Variants in CYSTM1 observed in about 807,000 individuals in gnomAD.
The protein encoded by CYSTM1 is cysteine rich transmembrane module containing 1.
CYSTM1 carries 4 observed loss-of-function variants against 13.1 expected under a neutral mutation model. The observed-to-expected ratio is 0.31, with a 90% confidence interval of 0.15 to 0.70. CYSTM1 has a LOEUF of 0.70. Ranked by LOEUF, CYSTM1 falls within the 30% of genes least tolerant of loss-of-function variation. The pLI, the probability that CYSTM1 is intolerant of heterozygous loss-of-function variation, is 0.72. For synonymous variants in CYSTM1, 36 were observed against 42.7 expected (o/e 0.84, Z 0.62); for missense variants, 96 against 121.6 (o/e 0.79, Z 0.99).
At chr5:140,187,968 A>G (rs1764038183) in intron 1 of CYSTM1, among the ~76,000 whole-genome samples, 2 of 152,162 alleles carry the variant, frequency 1.3e-5, no homozygotes, top group African/African-American at 4.8e-5. Context: ...TTTTGACTAG[A>G]TCATTAACAA....
Position 140,219,162 on chromosome 5 carries a change from C to T in CYSTM1, c.188-24143C>T, listed in dbSNP as rs1336799446. ...GGCCACCACTTCTGTCTCCTTTTCT[C>T]TGCTGGTGAAGTCTCTAGCCTCACA... On this transcript the variant is annotated intron_variant, in intron 2 of 2. Coordinates refer to ENST00000261811, the MANE Select transcript of CYSTM1 (RefSeq NM_032412.4). The surrounding 1 kb of genome is among the most constrained non-coding windows in gnomAD (Gnocchi z 4.1). Among the ~76,000 whole-genome samples the T allele has an allele frequency of 6.6e-6, 1 of 152,176 alleles. No individual in the cohort carries two copies. Among genetic ancestry groups the T allele is most frequent in the Admixed American group, 6.5e-5 (1 of 15,280 alleles).
chr5:140,229,924 G>A (rs780402683), intron 2 of CYSTM1, among the ~76,000 whole-genome samples: 4 of 152,180 alleles, frequency 2.6e-5, no homozygotes, highest in Admixed American at 6.5e-5. Context: ...AAGCTGGAGT[G>A]CAGTGTCACG....
chr5:140,207,884 T>C (rs1764316745), intron 2 of CYSTM1, among the ~76,000 whole-genome samples: 1 of 152,228 alleles, frequency 6.6e-6, no homozygotes. Context: ...CTATCTTGAT[T>C]TGTAATTTTA....
At chr5:140,210,824 T>G (rs1764358936) in intron 2 of CYSTM1, among the ~76,000 whole-genome samples, 1 of 152,172 alleles carries the variant, frequency 6.6e-6, no homozygotes, top group African/African-American at 2.4e-5. Flanking sequence ...AATTAAAATT[T>G]TAAGTGAGCC....
chr5:140,222,097 A>T lies in CYSTM1; in HGVS notation c.188-21208A>T, dbSNP rs77430057. On this transcript the variant is annotated intron_variant, in intron 2 of 2. Coordinates refer to ENST00000261811, the MANE Select transcript of CYSTM1 (RefSeq NM_032412.4). The stretch of plus-strand genomic sequence containing the variant: ...CCCTTCTCTTTCCTGACCCTAGTTG[A>T]GCTGGGCTTTTGGCCTTGTCCCCAG... 5.9e-5 allele frequency among the ~76,000 whole-genome samples: 9 copies of T among 152,234 alleles called. No individual in the cohort carries two copies. The East Asian group carries it at 1.7e-3, about 29-fold the overall frequency.
intron 2 of CYSTM1, chr5:140,228,699 T>TC (rs1764588059): frequency 5.0e-6 from 2 of 398,890 alleles, no homozygotes; most frequent in Non-Finnish European, 4.4e-6. Flanking sequence ...GGTCTCTCTC[T>TC]CCTCTGCCCG....
In CYSTM1 at chr5:140,239,558, G is replaced by A. The variant is rs1195456092; in HGVS notation, c.188-3747G>A. On this transcript the variant is annotated intron_variant, in intron 2 of 2. Coordinates refer to ENST00000261811, the MANE Select transcript of CYSTM1 (RefSeq NM_032412.4). This position sits in a 1 kb window ranked among gnomAD's most constrained non-coding sequence, Gnocchi z 5.4. ...CAGCTTGAAGGCAAGAAGGTGGGAGGTGCCCCTGCCAGAAACTGCTCAGCT... is the reference window on the plus strand; with the variant it reads ...CAGCTTGAAGGCAAGAAGGTGGGAGATGCCCCTGCCAGAAACTGCTCAGCT... 1.3e-5 allele frequency among the ~76,000 whole-genome samples: 2 copies of A among 152,160 alleles called. No individual in the cohort carries two copies. Among genetic ancestry groups the A allele is most frequent in the East Asian group, 1.9e-4 (1 of 5,186 alleles).
intron 1 of CYSTM1, among the ~76,000 whole-genome samples, chr5:140,178,304 G>A (rs1221419907): frequency 6.6e-6 from 1 of 151,974 alleles, no homozygotes; most frequent in African/African-American, 2.4e-5. Context: ...ATTAATGAGA[G>A]GCTTATATGA....
intron 2 of CYSTM1, among the ~76,000 whole-genome samples, chr5:140,241,224 G>C (rs1007495064): frequency 5.9e-5 from 9 of 152,242 alleles, no homozygotes; most frequent in Non-Finnish European, 1.2e-4. Context: ...TGTTTCCCCA[G>C]TTAAGCTGCC....
intron 2 of CYSTM1, among the ~76,000 whole-genome samples, chr5:140,197,162 T>C (rs1218706839): frequency 6.6e-6 from 1 of 152,162 alleles, no homozygotes; most frequent in Non-Finnish European, 1.5e-5. Context: ...ATTTGATGAG[T>C]TTAGAACTTT....
chr5:140,196,125 A>G (rs1764154190), intron 2 of CYSTM1, among the ~76,000 whole-genome samples: 2 of 152,138 alleles, frequency 1.3e-5, no homozygotes, highest in Admixed American at 1.3e-4. Flanking sequence ...CAACAATCCT[A>G]TGAAGTTATT....
chr5:140,238,383 A>C (rs536197298), intron 2 of CYSTM1, among the ~76,000 whole-genome samples: 7 of 151,968 alleles, frequency 4.6e-5, no homozygotes, highest in Non-Finnish European at 1.0e-4. Context: ...AAAACTACAG[A>C]CCCTTGATTG....
chr5:140,188,125 G>A (rs1764044745), intron 1 of CYSTM1, among the ~76,000 whole-genome samples: 1 of 146,222 alleles, frequency 6.8e-6, no homozygotes, highest in Admixed American at 7.0e-5. Context: ...GCCCAGACTA[G>A]AGTGTAGTGT....
rs116439141 is a variant in CYSTM1 at position 140,223,309 on chromosome 5, G to A, written c.188-19996G>A. ...GGTGCCTTCTCCTGCTCTGGCACAT[G>A]GCCCCTGGGGCAGGGAGTGGGAAGG... On this transcript the variant is annotated intron_variant, in intron 2 of 2. Coordinates refer to ENST00000261811, the MANE Select transcript of CYSTM1 (RefSeq NM_032412.4). Among the ~76,000 whole-genome samples the A allele has an allele frequency of 5.7e-3, 864 of 152,332 alleles. 8 individuals are homozygous for A. The highest frequency in any genetic ancestry group is 0.02 in the African/African-American group (835 of 41,578).
intron 2 of CYSTM1, among the ~76,000 whole-genome samples, chr5:140,209,723 C>A (rs980060822): frequency 6.6e-6 from 1 of 151,606 alleles, no homozygotes; most frequent in Non-Finnish European, 1.5e-5. Flanking sequence ...CCACCGTGCC[C>A]AGTAATTTTG....
At chr5:140,176,999 G>A (rs1763896498) in intron 1 of CYSTM1, among the ~76,000 whole-genome samples, 1 of 150,604 alleles carries the variant, frequency 6.6e-6, no homozygotes, top group Non-Finnish European at 1.5e-5. Flanking sequence ...AACCCGGGAG[G>A]TGGAGCTTGC....
At chr5:140,204,256 C>T (rs772070966) in intron 2 of CYSTM1, among the ~76,000 whole-genome samples, 2 of 152,076 alleles carry the variant, frequency 1.3e-5, no homozygotes, top group East Asian at 1.9e-4. Flanking sequence ...GCCTGTAGTC[C>T]GATCTGCTCA....
chr5:140,190,300 T>A (rs1350873676), intron 1 of CYSTM1, among the ~76,000 whole-genome samples: 1 of 151,334 alleles, frequency 6.6e-6, no homozygotes, highest in Non-Finnish European at 1.5e-5. Context: ...AGGTTGTTTT[T>A]TTCCTTCCTC....
At chr5:140,228,030 C>T (rs541453492) in intron 2 of CYSTM1, among the ~76,000 whole-genome samples, 1 of 152,164 alleles carries the variant, frequency 6.6e-6, no homozygotes, top group African/African-American at 2.4e-5. Context: ...GGAAGAACCA[C>T]CTGGTTCTTT....
Sources: allele counts gnomAD v4.1 joint callset (sites outside exome capture counted in the v4.1 genomes callset), GRCh38; gene constraint gnomAD v4.1.1; non-coding constraint Gnocchi (gnomAD v3.1); transcripts MANE v1.5; gene names NCBI Gene and HGNC (gene_info 2026-07-23, HGNC 2026-07-21).